NTRK3: variants seen among roughly 807,000 people sequenced by gnomAD.
The protein encoded by NTRK3 is neurotrophic receptor tyrosine kinase 3, also known as NT-3 growth factor receptor.
Under a neutral mutation model 91.7 loss-of-function variants are expected in NTRK3, and 24 were observed. That is an observed-to-expected ratio of 0.26 (90% CI 0.19 to 0.37). The LOEUF (loss-of-function observed/expected upper bound fraction) is 0.37. Among genes scored for constraint, NTRK3 ranks in the 10% least tolerant of loss-of-function variants. The pLI, the probability that NTRK3 is intolerant of heterozygous loss-of-function variation, is 1.00. For synonymous variants in NTRK3, 483 were observed against 404.0 expected, an observed-to-expected ratio of 1.20 and a Z score of -2.34; for missense variants, 880 against 1,068.9, an observed-to-expected ratio of 0.82 and a Z score of 2.46.
chr15:88,177,689 G>A (rs964238888), intron 5 of NTRK3, among the ~76,000 whole-genome samples: 1 of 152,166 alleles, frequency 6.6e-6, no homozygotes, highest in Non-Finnish European at 1.5e-5. Flanking sequence ...CATGCAAGTA[G>A]GCAGTTTGAT....
chr15:88,015,629 T>A (rs1326522458), intron 14 of NTRK3, among the ~76,000 whole-genome samples: 1 of 152,068 alleles, frequency 6.6e-6, no homozygotes, highest in Non-Finnish European at 1.5e-5. Context: ...TATGCTCATA[T>A]CTCCAGAACT....
In NTRK3 at chr15:88,148,925, G is replaced by A. The variant is rs1033571626; in HGVS notation, c.396-1522C>T. ...GGAGAGGAGAGAAAGAGAAGTGAGT[G>A]GCCAGGTAAATGGTGACATCATTGA... On this transcript the variant is annotated intron_variant, in intron 5 of 18. Coordinates refer to ENST00000394480, the Ensembl canonical transcript of NTRK3. Among the ~76,000 whole-genome samples, 5 of 151,938 alleles carry A rather than the reference G, an allele frequency of 3.3e-5. 1 individual carries two copies. The highest frequency in any genetic ancestry group is 4.2e-4 in the South Asian group (2 of 4,810).
chr15:88,132,145 G>A (rs1341955239), intron 10 of NTRK3: 2 of 179,858 alleles, frequency 1.1e-5, no homozygotes, highest in Non-Finnish European at 2.4e-5. Flanking sequence ...CTGGCAACGT[G>A]GTTCCATGAC....
chr15:87,964,194 C>T (rs1175212996), intron 14 of NTRK3, among the ~76,000 whole-genome samples: 1 of 152,042 alleles, frequency 6.6e-6, no homozygotes, highest in Non-Finnish European at 1.5e-5. Flanking sequence ...CATAAGGACA[C>T]TCAATAACAG....
Position 88,237,868 on chromosome 15 carries a change from T to C in NTRK3, c.248+18038A>G, listed in dbSNP as rs1354341586. On this transcript the variant is annotated intron_variant, in intron 3 of 18. Coordinates refer to ENST00000394480, the Ensembl canonical transcript of NTRK3. This position sits in a 1 kb window ranked among gnomAD's most constrained non-coding sequence, Gnocchi z 4.0. ...ATTTCATCAGGTATGCATTTTTTTG[T>C]TTTATGATTGTTATAATATTTTTGT... is the stretch of plus-strand genomic sequence containing the variant. Among the ~76,000 whole-genome samples the C allele has an allele frequency of 6.6e-6, 1 of 152,240 alleles. No individual in the cohort carries two copies. Among genetic ancestry groups the C allele is most frequent in the African/African-American group, 2.4e-5 (1 of 41,472 alleles).
At chr15:87,871,549 C>T (rs1256451710) in exon 19 of NTRK3, 1 of 230,490 alleles carries the variant, frequency 4.3e-6, no homozygotes, top group Non-Finnish European at 8.6e-6. Flanking sequence ...GTGTGGTCAT[C>T]TATCAGGCAA....
chr15:88,130,926 T>G lies in NTRK3; in HGVS notation c.1205-2192A>C, dbSNP rs186350205. ...TAACAACCTGGTTTCGATCATTGCA[T>G]CGTGGTTAGGTAAGATGTTAACATC... On this transcript the variant is annotated intron_variant, in intron 10 of 18. Coordinates refer to ENST00000394480, the Ensembl canonical transcript of NTRK3. 1.4e-3 allele frequency among the ~76,000 whole-genome samples: 208 copies of G among 152,308 alleles called. 2 individuals are homozygous for G. The highest frequency in any genetic ancestry group is 4.8e-3 in the African/African-American group (200 of 41,574).
chr15:88,209,592 A>C (rs1466886137), intron 3 of NTRK3, among the ~76,000 whole-genome samples: 1 of 152,244 alleles, frequency 6.6e-6, no homozygotes, highest in East Asian at 1.9e-4. Flanking sequence ...CCCCAGGCTG[A>C]AGGGATAAAA....
chr15:88,158,803 G>A (rs561846996), intron 5 of NTRK3, among the ~76,000 whole-genome samples: 239 of 152,256 alleles, frequency 1.6e-3, no homozygotes, highest in Admixed American at 5.2e-3. Flanking sequence ...GGCCTGGCGT[G>A]GGAGCTGACT....
exon 19 of NTRK3, chr15:87,860,364 G>T (rs934325719): frequency 1.4e-5 from 3 of 219,590 alleles, no homozygotes; most frequent in African/African-American, 4.5e-5. Flanking sequence ...TGAGGTTGGG[G>T]AGAAAGGAAG....
chr15:88,011,482 T>C (rs957079429), intron 14 of NTRK3, among the ~76,000 whole-genome samples: 26 of 152,194 alleles, frequency 1.7e-4, no homozygotes, highest in Admixed American at 1.4e-3. Context: ...CTTCCTATAA[T>C]TTCAGAACAT....
At chr15:88,159,543 C>G (rs1490368046) in intron 5 of NTRK3, among the ~76,000 whole-genome samples, 1 of 152,188 alleles carries the variant, frequency 6.6e-6, no homozygotes, top group Non-Finnish European at 1.5e-5. Flanking sequence ...AACCACTGAT[C>G]TGGTGAAATT....
chr15:88,058,950 A>C (rs1209259538), intron 13 of NTRK3, among the ~76,000 whole-genome samples: 1 of 152,154 alleles, frequency 6.6e-6, no homozygotes, highest in Middle Eastern at 3.2e-3. Context: ...TCTTCCAGAG[A>C]TTTAGATGTT....
At chr15:87,906,954 A>G (rs1257450190) in intron 17 of NTRK3, among the ~76,000 whole-genome samples, 1 of 152,214 alleles carries the variant, frequency 6.6e-6, no homozygotes, top group Non-Finnish European at 1.5e-5. Flanking sequence ...GGCACCAACA[A>G]TAACTCAGGA....
intron 13 of NTRK3, among the ~76,000 whole-genome samples, chr15:88,123,579 C>T (rs1283096685): frequency 6.6e-6 from 1 of 152,184 alleles, no homozygotes; most frequent in Non-Finnish European, 1.5e-5. Context: ...TGGCCTGTGA[C>T]ACAGCCCTCA....
At chr15:88,126,823 C>T (rs1425514570) in intron 12 of NTRK3, among the ~76,000 whole-genome samples, 4 of 152,150 alleles carry the variant, frequency 2.6e-5, no homozygotes, top group Admixed American at 6.5e-5. Flanking sequence ...TAGGAGTGGG[C>T]GCTTGAAAAC....
At chr15:88,078,087 C>T (rs1382831396) in intron 13 of NTRK3, among the ~76,000 whole-genome samples, 1 of 152,214 alleles carries the variant, frequency 6.6e-6, no homozygotes, top group Non-Finnish European at 1.5e-5. Flanking sequence ...CAAACACATT[C>T]AGAGTTGGAC....
At position 87,861,498 on chromosome 15, in the gene NTRK3, T is replaced by C. The variant is rs2064522526; in HGVS notation, c.*15437A>G. On this transcript the variant is annotated 3_prime_UTR_variant, in exon 19 of 19. Transcript: ENST00000394480. ...AGTAGCACTTAGTTTAATACAAGTTTTGTTCTGCTGTAGACCTAGCTGTAA... is the reference window on the plus strand; with the variant it reads ...AGTAGCACTTAGTTTAATACAAGTTCTGTTCTGCTGTAGACCTAGCTGTAA... 3 of 198,492 alleles carry C rather than the reference T, an allele frequency of 1.5e-5. No individual in the cohort carries two copies. In the East Asian group the frequency reaches 2.4e-4, roughly 16 times the overall value. The allele number at this position is 198,492 out of a possible 1,614,324, so 12.3% of individuals were successfully genotyped here. A position where few individuals can be genotyped will look rare whatever the true frequency, so the allele number is the denominator to read the frequency against.
intron 5 of NTRK3, among the ~76,000 whole-genome samples, chr15:88,169,160 A>T (rs2045278231): frequency 6.6e-6 from 1 of 152,066 alleles, no homozygotes; most frequent in African/African-American, 2.4e-5. Flanking sequence ...ACACCATACC[A>T]CGCTGCCTCA....
Sources: gnomAD v4.1 joint callset for allele counts (sites outside exome capture counted in the v4.1 genomes callset) on GRCh38, gnomAD v4.1.1 for gene constraint, Gnocchi (gnomAD v3.1) non-coding constraint, MANE v1.5 for transcripts, NCBI Gene and HGNC (gene_info 2026-07-23, HGNC 2026-07-21) for gene names.